The following FLVCR1 variants were observed in gnomAD, a reference collection of about 807,000 sequenced individuals.
The protein encoded by FLVCR1 is FLVCR choline and heme transporter 1.
Under a neutral mutation model 53.6 loss-of-function variants are expected in FLVCR1, and 34 were observed. That is an observed-to-expected ratio of 0.63 (90% CI 0.48 to 0.84). FLVCR1 has a LOEUF of 0.84. Among genes scored for constraint, FLVCR1 ranks in the 40% least tolerant of loss-of-function variants. FLVCR1 has a pLI of 0.00. For missense variants in FLVCR1, 677 were observed against 696.7 expected (o/e 0.97, Z 0.32); for synonymous variants, 300 against 286.3 (o/e 1.05, Z -0.48).
chr1:212,886,346 G>C (rs12036735), intron 5 of FLVCR1, among the ~76,000 whole-genome samples: 104,470 of 152,042 alleles, frequency 0.69, 37,434 homozygotes, highest in East Asian at 1. Context: ...CCTGGCCTAT[G>C]TTGTTCTTTT....
At chr1:212,862,781 C>T (rs1173731907) in intron 1 of FLVCR1, among the ~76,000 whole-genome samples, 1 of 152,126 alleles carries the variant, frequency 6.6e-6, no homozygotes, top group Non-Finnish European at 1.5e-5. Context: ...GTGGCTGCAC[C>T]ATTTTATAGT....
intron 3 of FLVCR1, among the ~76,000 whole-genome samples, chr1:212,874,439 A>G (rs748488058): frequency 5.3e-5 from 8 of 152,022 alleles, no homozygotes; most frequent in Non-Finnish European, 8.8e-5. Context: ...TAAAATTCCT[A>G]ATTAGATATA....
chr1:212,889,233 A>G lies in FLVCR1; in HGVS notation c.1501A>G (p.Met501Val). ...KAGNIFLCVWMFIGIILTALI... is the reference protein window; with the variant it reads ...KAGNIFLCVWVFIGIILTALI... ...AGGGAACATTTTTCTCTGTGTCTGG[A>G]TGTTTATAGGCATCATATTAACAGG... is the stretch of plus-strand genomic sequence containing the variant. Residue 501 changes from methionine (M) to valine (V), a missense_variant, in exon 8 of 10, where the codon ATG becomes GTG. By Grantham distance (21) the Met-to-Val change is conservative. Coordinates refer to ENST00000366971, the MANE Select transcript of FLVCR1 (RefSeq NM_014053.4). 6.2e-7 allele frequency: 1 copy of G among 1,612,390 alleles called. No homozygotes were observed. The highest frequency in any genetic ancestry group is 8.5e-7 in the Non-Finnish European group (1 of 1,178,522).
Position 212,898,362 on chromosome 1 carries a change from T to G in FLVCR1, c.*3072T>G, listed in dbSNP as rs1665393938. On this transcript the variant is annotated 3_prime_UTR_variant, in exon 10 of 10. Coordinates refer to ENST00000366971, the MANE Select transcript of FLVCR1 (RefSeq NM_014053.4). ...AGTATGTCCAATCATTAGCTTCCTT[T>G]GATATTTACATTACAGGTAAAAACG... 6.6e-6 allele frequency: 1 copy of G among 152,214 alleles called. No homozygotes were observed. The highest frequency in any genetic ancestry group is 1.5e-5 in the Non-Finnish European group (1 of 68,034). The allele number at this position is 152,214 out of a possible 1,614,324, so 9.4% of individuals were successfully genotyped here. A position where few individuals can be genotyped will look rare whatever the true frequency, so the allele number is the denominator to read the frequency against.
At position 212,870,407 on chromosome 1, in the gene FLVCR1, C is replaced by G. The variant is rs1664562286; in HGVS notation, c.884-2271C>G. On this transcript the variant is annotated intron_variant, in intron 2 of 9. Coordinates refer to ENST00000366971, the MANE Select transcript of FLVCR1 (RefSeq NM_014053.4). ...TCTTACTTTCCCAGTGATTGTTTCT[C>G]CCTGGCTGGTTTTCAAAAGCATTTG... 3.9e-5 allele frequency among the ~76,000 whole-genome samples: 6 copies of G among 152,132 alleles called. No homozygotes were observed. The South Asian group carries it at 1.2e-3, about 31-fold the overall frequency.
chr1:212,861,200 C>G (rs948111330), intron 1 of FLVCR1, among the ~76,000 whole-genome samples: 6 of 152,206 alleles, frequency 3.9e-5, no homozygotes, highest in Admixed American at 2.6e-4. Context: ...TATGCTTTCT[C>G]TGCTCTGTGC....
chr1:212,879,590 C>T (rs1262371616), intron 3 of FLVCR1, among the ~76,000 whole-genome samples: 1 of 152,154 alleles, frequency 6.6e-6, no homozygotes, highest in East Asian at 1.9e-4. Context: ...TTTATAGACT[C>T]TGTTGACCAA....
In FLVCR1 at chr1:212,897,111, G is replaced by A. The variant is rs1217095405; in HGVS notation, c.*1821G>A. The stretch of plus-strand genomic sequence containing the variant: ...TTGAATGCGAATGGCAGAGGTTGCA[G>A]TGAGCGAAAATCACACTACTGCACT... On this transcript the variant is annotated 3_prime_UTR_variant, in exon 10 of 10. Transcript: ENST00000366971. The A allele has an allele frequency of 6.6e-6, 1 of 151,466 alleles. No homozygotes were observed. Among genetic ancestry groups the A allele is most frequent in the Non-Finnish European group, 1.5e-5 (1 of 67,942 alleles). The allele number at this position is 151,466 out of a possible 1,614,324, so 9.4% of individuals were successfully genotyped here.
At chr1:212,859,619 G>A (rs1464233431) in intron 1 of FLVCR1, among the ~76,000 whole-genome samples, 2 of 152,112 alleles carry the variant, frequency 1.3e-5, no homozygotes, top group Admixed American at 6.5e-5. Context: ...TCAGGAGGCT[G>A]AGGCAGGAGA....
chr1:212,898,464 AC>A lies in FLVCR1; in HGVS notation c.*3175del, dbSNP rs1361039335. 6.6e-6 allele frequency: 1 copy of A among 152,206 alleles called. No individual in the cohort carries two copies. Among genetic ancestry groups the A allele is most frequent in the African/African-American group, 2.4e-5 (1 of 41,452 alleles). 9.4% of individuals were successfully genotyped at this position (152,206 alleles called of 1,614,324 possible). A position where few individuals can be genotyped will look rare whatever the true frequency, so the allele number is the denominator to read the frequency against. On this transcript the variant is annotated 3_prime_UTR_variant, in exon 10 of 10. Transcript: ENST00000366971. ...TCAATGTTGTTTAAAATAATCATGT[AC>A]TTGTTGAGTTCCTGAGGTTTGGAAC... is the stretch of plus-strand genomic sequence containing the variant.
chr1:212,878,133 A>G (rs1398866056), intron 3 of FLVCR1, among the ~76,000 whole-genome samples: 1 of 152,158 alleles, frequency 6.6e-6, no homozygotes, highest in Non-Finnish European at 1.5e-5. Flanking sequence ...TAGAGACCGT[A>G]TGTCCTACAA....
intron 3 of FLVCR1, among the ~76,000 whole-genome samples, chr1:212,883,162 C>A (rs946805892): frequency 1.3e-5 from 2 of 152,232 alleles, no homozygotes; most frequent in East Asian, 3.9e-4. Context: ...ATCTTTAGTA[C>A]AGTTAGGTGT....
At chr1:212,883,169 G>T (rs1664968277) in intron 3 of FLVCR1, among the ~76,000 whole-genome samples, 2 of 152,088 alleles carry the variant, frequency 1.3e-5, no homozygotes, top group Non-Finnish European at 2.9e-5. Context: ...GTACAGTTAG[G>T]TGTTAAATTC....
intron 2 of FLVCR1, among the ~76,000 whole-genome samples, chr1:212,865,873 T>A (rs1039227498): frequency 7.0e-6 from 1 of 143,596 alleles, no homozygotes; most frequent in African/African-American, 2.5e-5. Flanking sequence ...TGGAGGGCAG[T>A]GGCGCTATCT....
chr1:212,885,441 T>G (rs1434986225), intron 5 of FLVCR1, 45 bp downstream of exon 5: 1 of 1,447,122 alleles, frequency 6.9e-7, no homozygotes, highest in East Asian at 2.3e-5. Flanking sequence ...CAAAGGTATT[T>G]TGATTTTAAA....
chr1:212,869,410 CT>C (rs1307655747), intron 2 of FLVCR1, among the ~76,000 whole-genome samples: 2 of 152,224 alleles, frequency 1.3e-5, no homozygotes, highest in African/African-American at 4.8e-5. Context: ...TTAAGTTCGA[CT>C]TTCCTACAAC....
intron 2 of FLVCR1, among the ~76,000 whole-genome samples, chr1:212,867,252 C>T (rs962080375): frequency 6.6e-6 from 1 of 152,208 alleles, no homozygotes; most frequent in African/African-American, 2.4e-5. Flanking sequence ...CAGGAATTAA[C>T]CCAAGCATTC....
At chr1:212,877,634 A>T (rs1664793339) in intron 3 of FLVCR1, among the ~76,000 whole-genome samples, 1 of 150,620 alleles carries the variant, frequency 6.6e-6, no homozygotes, top group South Asian at 2.1e-4. Flanking sequence ...CAGGTGGATA[A>T]ATTGCAAACA....
chr1:212,858,821 T>G lies in FLVCR1; in HGVS notation c.369T>G (p.Phe123Leu), dbSNP rs1189460003. The G allele has an allele frequency of 7.4e-6, 12 of 1,614,066 alleles. No individual in the cohort carries two copies. In the East Asian group the frequency reaches 2.5e-4, roughly 33 times the overall value. The stretch of plus-strand genomic sequence containing the variant: ...GCCTGTACTCGCTGGTCAACGCCTT[T>G]CAGTGGATCCAGTACAGCATCATTA... ...IFSLYSLVNA[F>L]QWIQYSIISN... is the part of the protein sequence containing the mutation. Residue 123 changes from phenylalanine (F) to leucine (L), a missense_variant, in exon 1 of 10, where the codon TTT becomes TTG. By Grantham distance (22) the Phe-to-Leu change is conservative. Transcript: ENST00000366971.
Sources: gnomAD v4.1 joint callset for allele counts (sites outside exome capture counted in the v4.1 genomes callset) on GRCh38, gnomAD v4.1.1 for gene constraint, MANE v1.5 for transcripts, NCBI Gene and HGNC (gene_info 2026-07-23, HGNC 2026-07-21) for gene names.